The following DNAH9 variants were observed in gnomAD, a reference collection of about 807,000 sequenced individuals.
DNAH9 encodes DNAH9 variant protein.
In DNAH9, 345 loss-of-function variants were observed where a neutral mutation model predicts 471.6. The observed-to-expected ratio is 0.73, with a 90% CI of 0.67 to 0.80. The LOEUF (loss-of-function observed/expected upper bound fraction) is 0.80, where lower values mean the gene tolerates loss of function less well. Ranked by LOEUF, DNAH9 falls within the 30% of genes least tolerant of loss-of-function variation. The pLI is 0.00. For missense variants in DNAH9, 5,407 were observed against 5,609.2 expected, an observed-to-expected ratio of 0.96 and a Z score of 1.15; for synonymous variants, 2,093 against 2,123.6, an observed-to-expected ratio of 0.99 and a Z score of 0.40.
chr17:11,905,068 C>G (rs1195037003), intron 60 of DNAH9, among the ~76,000 whole-genome samples: 1 of 151,698 alleles, frequency 6.6e-6, no homozygotes, highest in Non-Finnish European at 1.5e-5. Context: ...CCCATCTCTG[C>G]TAAAATATAA....
intron 30 of DNAH9, among the ~76,000 whole-genome samples, chr17:11,742,766 A>G (rs1189275424): frequency 1.3e-5 from 2 of 152,304 alleles, no homozygotes; most frequent in East Asian, 3.9e-4. Flanking sequence ...CCTTAGCAAA[A>G]CATTACCTGC....
rs779646133 is a variant in DNAH9, at chr17:11,768,627, G to A, written c.7344+1G>A. 3 of 1,613,886 alleles carry A rather than the reference G, an allele frequency of 1.9e-6. No homozygotes were observed. The highest frequency in any genetic ancestry group is 1.1e-5 in the South Asian group (1 of 91,056). Reference sequence around the variant, plus strand: ...ATTTGACCCCGAGATGCCCTTGCAGGTGAGTGCAGCTGAGCAGCCGAGGAC... The same window carrying A: ...ATTTGACCCCGAGATGCCCTTGCAGATGAGTGCAGCTGAGCAGCCGAGGAC... On this transcript the variant is annotated splice_donor_variant, in intron 37 of 68. Coordinates refer to ENST00000262442, the MANE Select transcript of DNAH9 (RefSeq NM_001372.4). LOFTEE classifies it high-confidence loss of function.
chr17:11,689,364 G>C (rs2074293193), intron 19 of DNAH9, among the ~76,000 whole-genome samples: 1 of 65,834 alleles, frequency 1.5e-5, no homozygotes, highest in African/African-American at 4.7e-5. Flanking sequence ...TGTCCTGAGT[G>C]TGTTTTTTTT....
chr17:11,744,706 A>T, intron 30 of DNAH9, 91 bp from the exon 31 acceptor site: 2 of 1,133,772 alleles, frequency 1.8e-6, no homozygotes, highest in Non-Finnish European at 2.5e-6. Context: ...GAGGTGACCT[A>T]ATGCTCATAG....
At position 11,689,863 on chromosome 17, in the gene DNAH9, C is replaced by A. The variant is rs374525264; in HGVS notation, c.4041C>A (p.Asp1347Glu). ...KQFARHIRNL[D>E]KEVRAWDAFT... ...TTGCCCGGCATATCCGAAACCTGGA[C>A]AAGGAGGTCAGGGCCTGGGATGCAT... The change falls in exon 20 of 69, where the codon GAC becomes GAA. Residue 1347 changes from aspartate to glutamate, a missense_variant. Asp to Glu is a conservative substitution (Grantham distance 45, BLOSUM62 2). Around this residue, in one of 3 missense-constraint regions of DNAH9, gnomAD observed 4,636 missense variants for 4,900.3 expected, o/e 0.95. Transcript: ENST00000262442. 1.6e-4 allele frequency: 252 copies of A among 1,610,136 alleles called. No homozygotes were observed. Among genetic ancestry groups the A allele is most frequent in the Non-Finnish European group, 2.0e-4 (239 of 1,177,870 alleles).
intron 2 of DNAH9, among the ~76,000 whole-genome samples, chr17:11,609,059 C>T (rs12452820): frequency 0.37 from 56,800 of 152,090 alleles, 11,831 homozygotes; most frequent in South Asian, 0.62. Flanking sequence ...CATCCAGCAT[C>T]TCTATGTGCT....
chr17:11,833,687 G>A (rs1019118328), intron 48 of DNAH9, among the ~76,000 whole-genome samples: 5 of 152,238 alleles, frequency 3.3e-5, no homozygotes, highest in South Asian at 4.2e-4. Context: ...ATAGAAGTCC[G>A]ACTTCCTACA....
Position 11,707,988 on chromosome 17 carries a change from CACACACACACACACACACACACACACAG to C in DNAH9, c.5552+2805_5552+2832del, listed in dbSNP as rs1425378094. Among the ~76,000 whole-genome samples, 251 of 116,418 alleles carry C rather than the reference CACACACACACACACACACACACACACAG, an allele frequency of 2.2e-3. 1 individual carries two copies. Among genetic ancestry groups the C allele is most frequent in the African/African-American group, 6.3e-3 (207 of 33,078 alleles). The allele number at this position is 116,418 out of a possible 152,430, so 76.4% of individuals were successfully genotyped here. A position where few individuals can be genotyped will look rare whatever the true frequency, so the allele number is the denominator to read the frequency against. On this transcript the variant is annotated intron_variant, in intron 26 of 68. Coordinates refer to ENST00000262442, the MANE Select transcript of DNAH9 (RefSeq NM_001372.4). Reference sequence around the variant, plus strand: ...ACACACACACACACACACACACACACACACACACACACACACACACACACACAGAGAGAGAGAGAGAGAGAGAGAGAGA... The same window carrying C: ...ACACACACACACACACACACACACACAGAGAGAGAGAGAGAGAGAGAGAGA...
chr17:11,636,809 A>G, intron 9 of DNAH9, 25 bp downstream of exon 9: 2 of 1,609,002 alleles, frequency 1.2e-6, no homozygotes, highest in Non-Finnish European at 1.7e-6. Flanking sequence ...GGGGATTTTG[A>G]TGGGGACATT....
chr17:11,734,477 A>C (rs926408818), intron 28 of DNAH9, among the ~76,000 whole-genome samples: 3 of 152,178 alleles, frequency 2.0e-5, no homozygotes, highest in Admixed American at 2.0e-4. Context: ...GCTGAGAGAG[A>C]GACTGAAAAA....
At chr17:11,673,189 T>C (rs1004722467) in intron 17 of DNAH9, among the ~76,000 whole-genome samples, 132 of 152,362 alleles carry the variant, frequency 8.7e-4, no homozygotes, top group African/African-American at 3.0e-3. Context: ...TTCAGACTCC[T>C]GTTTCCTTCA....
At chr17:11,627,019 A>T (rs1283245118) in intron 6 of DNAH9, among the ~76,000 whole-genome samples, 8 of 152,176 alleles carry the variant, frequency 5.3e-5, no homozygotes, top group Non-Finnish European at 4.4e-5. Context: ...GCCAAATAAT[A>T]TAATTCCAGA....
At chr17:11,853,925 A>G in intron 49 of DNAH9, 78 bp from the exon 50 acceptor site, 3 of 1,428,334 alleles carry the variant, frequency 2.1e-6, no homozygotes, top group Non-Finnish European at 2.9e-6. Context: ...CGATCGCTCC[A>G]CAACCTAACT....
At position 11,652,798 on chromosome 17, in the gene DNAH9, T is replaced by G; in HGVS notation, c.2391T>G (p.Ile797Met). The G allele has an allele frequency of 6.2e-7, 1 of 1,613,716 alleles. No individual in the cohort carries two copies. The highest frequency in any genetic ancestry group is 8.5e-7 in the Non-Finnish European group (1 of 1,179,642). ...CDYVTEITSS[I>M]HDLEQRIQKT... is the part of the protein sequence containing the mutation. ...ATGTCACTGAAATCACCAGTAGTAT[T>G]CATGATCTTGAACAAAGAATTCAGA... Residue 797 changes from isoleucine to methionine, a missense_variant, in exon 14 of 69, where the codon ATT (isoleucine) becomes ATG (methionine). By Grantham distance (10) the Ile-to-Met change is conservative (BLOSUM62 1). This residue lies in a region of DNAH9 where 4,636 missense variants were observed against 4,900.3 expected (regional missense o/e 0.95). Coordinates refer to ENST00000262442, the MANE Select transcript of DNAH9 (RefSeq NM_001372.4).
chr17:11,842,709 C>T (rs150858610), intron 49 of DNAH9, among the ~76,000 whole-genome samples: 86 of 152,262 alleles, frequency 5.6e-4, no homozygotes, highest in Middle Eastern at 3.4e-3. Context: ...GGCCAGAAGA[C>T]GCAGCAAGTC....
rs58555259 is a variant in DNAH9 at position 11,852,814 on chromosome 17, GTATATATATATATATATATATA to G, written c.9508-1163_9508-1142del. Among the ~76,000 whole-genome samples, 435 of 92,686 alleles carry G rather than the reference GTATATATATATATATATATATA, an allele frequency of 4.7e-3. 16 individuals carry two copies. The highest frequency in any genetic ancestry group is 0.015 in the African/African-American group (398 of 25,900). The allele number at this position is 92,686 out of a possible 152,430, so 60.8% of individuals were successfully genotyped here. ...TATATATAAGAAAGTGTGTGTGTGT[GTATATATATATATATATATATA>G]TATATATATATATATATATATATAT... is the stretch of plus-strand genomic sequence containing the variant. On this transcript the variant is annotated intron_variant, in intron 49 of 68. Transcript: ENST00000262442.
In DNAH9 at chr17:11,797,651, G is replaced by C. The variant is rs1969290778; in HGVS notation, c.8278G>C (p.Ala2760Pro). 1 of 1,614,022 alleles carries C rather than the reference G, an allele frequency of 6.2e-7. No individual in the cohort carries two copies. The highest frequency in any genetic ancestry group is 8.5e-7 in the Non-Finnish European group (1 of 1,180,038). Residue 2760 changes from alanine (A) to proline (P), a missense_variant, in exon 43 of 69, where the codon GCA becomes CCA. Physicochemically the swap from Ala to Pro is conservative, Grantham distance 27 (BLOSUM62 -1). Transcript: ENST00000262442. The part of the protein sequence containing the change: ...TQSPNLYCHF[A>P]NGIGEPKYMP... ...AAGCCCGAACCTGTATTGTCACTTT[G>C]CAAATGGTATTGGGGAGCCCAAATA...
At chr17:11,864,954 G>A (rs984197970) in intron 50 of DNAH9, among the ~76,000 whole-genome samples, 5 of 152,306 alleles carry the variant, frequency 3.3e-5, no homozygotes, top group Admixed American at 1.3e-4. Flanking sequence ...ACAACACACT[G>A]ATAGGTCTTG....
intron 61 of DNAH9, among the ~76,000 whole-genome samples, chr17:11,910,841 T>C (rs187926752): frequency 5.1e-4 from 77 of 152,368 alleles, no homozygotes; most frequent in African/African-American, 1.8e-3. Context: ...TTCTCCATCT[T>C]ATTTGGAGAA....
Sources: allele counts gnomAD v4.1 joint callset (sites outside exome capture counted in the v4.1 genomes callset), GRCh38; gene constraint gnomAD v4.1.1; regional missense constraint gnomAD v4.1.1; transcripts MANE v1.5; gene names NCBI Gene and HGNC (gene_info 2026-07-23, HGNC 2026-07-21).